ABL1: variants seen among roughly 807,000 people sequenced by gnomAD.
ABL1 encodes the protein ABL proto-oncogene 1, non-receptor tyrosine kinase, also known as tyrosine-protein kinase ABL1.
A neutral mutation model predicts 94.7 loss-of-function variants in ABL1; 11 were observed. The observed-to-expected ratio is 0.12, with a 90% CI of 0.07 to 0.19. The LOEUF is 0.19. ABL1 is among the 10% of genes least tolerant of loss of function. The pLI is 1.00. For missense variants in ABL1, 1,082 were observed against 1,489.4 expected (o/e 0.73, Z 4.50); for synonymous variants, 656 against 622.4 (o/e 1.05, Z -0.80).
At position 130,872,277 on chromosome 9, in the gene ABL1, T is replaced by C. The variant is rs1588276559; in HGVS notation, c.907+64T>C. 1.3e-6 allele frequency: 2 copies of C among 1,481,534 alleles called. No individual in the cohort carries two copies. Among genetic ancestry groups the C allele is most frequent in the Non-Finnish European group, 1.9e-6 (2 of 1,072,646 alleles). 91.8% of individuals were successfully genotyped at this position (1,481,534 alleles called of 1,614,324 possible). The stretch of plus-strand genomic sequence containing the variant: ...CGCACCCCCAGGGTGACACAGGCGC[T>C]GGGGAAGACGCACGGGCGGCTCACT... On this transcript the variant is annotated intron_variant, in intron 5 of 10. Transcript: ENST00000318560. The surrounding 1 kb of genome is among the most constrained non-coding windows in gnomAD (Gnocchi z 5.0).
intron 1 of ABL1, among the ~76,000 whole-genome samples, chr9:130,786,601 C>A (rs1829829375): frequency 6.6e-6 from 1 of 152,188 alleles, no homozygotes; most frequent in Admixed American, 6.5e-5. Context: ...ACATGTTTGA[C>A]TGCCTCCTAC....
chr9:130,805,483 G>T (rs890883942), intron 1 of ABL1, among the ~76,000 whole-genome samples: 3 of 152,100 alleles, frequency 2.0e-5, no homozygotes, highest in Non-Finnish European at 4.4e-5. Context: ...CTGTTTACTT[G>T]TACTAGATAT....
intron 1 of ABL1, among the ~76,000 whole-genome samples, chr9:130,807,027 G>A (rs1325045340): frequency 2.6e-5 from 4 of 151,874 alleles, no homozygotes; most frequent in African/African-American, 7.2e-5. Context: ...GCGGGCGCCT[G>A]TAATCCCAGC....
rs1481014796 is a variant in ABL1, at chr9:130,880,967, T to G, written c.1678+303T>G. Reference sequence around the variant, plus strand: ...TCTCCCACCTATTACCCGCGGCATCTGTGGTTGCTGTCTCAGAGCAGATTC... The same window carrying G: ...TCTCCCACCTATTACCCGCGGCATCGGTGGTTGCTGTCTCAGAGCAGATTC... On this transcript the variant is annotated intron_variant, in intron 10 of 10. Coordinates refer to ENST00000318560, the MANE Select transcript of ABL1 (RefSeq NM_005157.6). The surrounding 1 kb of genome is among the most constrained non-coding windows in gnomAD (Gnocchi z 4.4). 6.6e-6 allele frequency among the ~76,000 whole-genome samples: 1 copy of G among 152,222 alleles called. No individual in the cohort carries two copies. The highest frequency in any genetic ancestry group is 1.5e-5 in the Non-Finnish European group (1 of 68,042).
chr9:130,765,120 T>C (rs1000790922), intron 1 of ABL1, among the ~76,000 whole-genome samples: 3 of 152,204 alleles, frequency 2.0e-5, no homozygotes, highest in Non-Finnish European at 4.4e-5. Context: ...AATAATTTGC[T>C]TTCCTCTGGA....
intron 1 of ABL1, among the ~76,000 whole-genome samples, chr9:130,792,054 A>G (rs553678194): frequency 1.3e-5 from 2 of 152,308 alleles, no homozygotes; most frequent in South Asian, 4.2e-4. Context: ...TAAAGATCAC[A>G]CTTGGTTCAG....
intron 1 of ABL1, among the ~76,000 whole-genome samples, chr9:130,803,561 A>G (rs928945993): frequency 2.6e-5 from 4 of 152,234 alleles, no homozygotes; most frequent in African/African-American, 9.6e-5. Flanking sequence ...TGTTAAAACG[A>G]TTCCTGAATA....
At chr9:130,741,028 G>A (rs1588217787) in intron 1 of ABL1, among the ~76,000 whole-genome samples, 1 of 152,040 alleles carries the variant, frequency 6.6e-6, no homozygotes, top group Admixed American at 6.6e-5. Context: ...TGTTCAGACA[G>A]TAGGATCACA....
intron 1 of ABL1, among the ~76,000 whole-genome samples, chr9:130,807,970 A>T: frequency 6.6e-6 from 1 of 150,690 alleles, no homozygotes. Context: ...AAGTGTTGGG[A>T]TTACAGGCGT....
chr9:130,823,638 AAG>A (rs765674852), intron 1 of ABL1, among the ~76,000 whole-genome samples: 11 of 152,152 alleles, frequency 7.2e-5, no homozygotes, highest in Non-Finnish European at 1.5e-4. Flanking sequence ...GGACACCAGA[AAG>A]AGGAGAGGGA....
chr9:130,808,247 C>CTTTT (rs1177878253), intron 1 of ABL1, among the ~76,000 whole-genome samples: 3 of 95,086 alleles, frequency 3.2e-5, no homozygotes, highest in South Asian at 3.0e-4. Flanking sequence ...TCTTCTTCTT[C>CTTTT]TTTTTTTTTT....
chr9:130,875,899 C>T (rs1432330769), intron 7 of ABL1, among the ~76,000 whole-genome samples: 1 of 152,216 alleles, frequency 6.6e-6, no homozygotes, highest in Non-Finnish European at 1.5e-5. Context: ...ACGATCTTGG[C>T]TCACTGCAAC....
chr9:130,720,423 G>A (rs1451322503), intron 1 of ABL1, among the ~76,000 whole-genome samples: 1 of 152,156 alleles, frequency 6.6e-6, no homozygotes, highest in African/African-American at 2.4e-5. Context: ...ATTTCAGGCC[G>A]AGGGAACCAG....
At chr9:130,834,912 G>C (rs1307315680), upstream of ABL1, 1 of 455,736 alleles carries the variant, frequency 2.2e-6, no homozygotes, top group African/African-American at 2.0e-5. Flanking sequence ...ACCGCGTACT[G>C]GGAAACTCGC....
At chr9:130,748,320 CTT>C (rs1264510355) in intron 1 of ABL1, among the ~76,000 whole-genome samples, 1 of 152,178 alleles carries the variant, frequency 6.6e-6, no homozygotes, top group African/African-American at 2.4e-5. Flanking sequence ...TTACACATCT[CTT>C]TGATTCATCT....
At position 130,880,760 on chromosome 9, in the gene ABL1, G is replaced by A; in HGVS notation, c.1678+96G>A. ...AGGCCAACGGGAAGCTGTGAATGGA[G>A]CCCGCACAGAAGGGCAGCCATGGCC... On this transcript the variant is annotated intron_variant, in intron 10 of 10. Transcript: ENST00000318560. The surrounding 1 kb of genome is among the most constrained non-coding windows in gnomAD (Gnocchi z 4.4). 2.1e-6 allele frequency: 3 copies of A among 1,434,868 alleles called. No homozygotes were observed. Among genetic ancestry groups the A allele is most frequent in the Non-Finnish European group, 2.8e-6 (3 of 1,068,548 alleles). The allele number at this position is 1,434,868 out of a possible 1,614,324, so 88.9% of individuals were successfully genotyped here.
chr9:130,860,355 A>G (rs115597248), intron 3 of ABL1, among the ~76,000 whole-genome samples: 1 of 152,202 alleles, frequency 6.6e-6, no homozygotes, highest in Non-Finnish European at 1.5e-5. Context: ...AACAAGGTCT[A>G]TAAATTTAAT....
rs1044564769 is a variant in ABL1 at position 130,885,723 on chromosome 9, C to G, written c.*40C>G. The G allele has an allele frequency of 1.3e-6, 2 of 1,579,534 alleles. No homozygotes were observed. The highest frequency in any genetic ancestry group is 1.7e-6 in the Non-Finnish European group (2 of 1,162,544). ...CAGGTGTCAGGCCCGTCGGAGCTGC[C>G]TGCAGCACATGCGGGCTCGCCCATA... is the stretch of plus-strand genomic sequence containing the variant. On this transcript the variant is annotated 3_prime_UTR_variant, in exon 11 of 11. Transcript: ENST00000318560.
chr9:130,853,088 A>G (rs574736247), intron 1 of ABL1, among the ~76,000 whole-genome samples: 1 of 151,316 alleles, frequency 6.6e-6, no homozygotes, highest in Non-Finnish European at 1.5e-5. Context: ...CCAAAAAAAC[A>G]GCTCTGCCTC....
Sources: allele counts gnomAD v4.1 joint callset (sites outside exome capture counted in the v4.1 genomes callset), GRCh38; gene constraint gnomAD v4.1.1; non-coding constraint Gnocchi (gnomAD v3.1); transcripts MANE v1.5; gene names NCBI Gene and HGNC (gene_info 2026-07-23, HGNC 2026-07-21).